The following NOL8 variants were observed in gnomAD, a reference collection of about 807,000 sequenced individuals.
NOL8 encodes nucleolar protein Nop132.
NOL8 carries 93 observed loss-of-function variants against 116.1 expected under a neutral mutation model. That is an observed-to-expected ratio of 0.80 (90% confidence interval 0.68 to 0.95). NOL8 has a LOEUF of 0.95. Ranked by LOEUF, NOL8 falls within the 40% of genes least tolerant of loss-of-function variation. The pLI is 0.00. For synonymous variants in NOL8, 419 were observed against 469.0 expected (o/e 0.89, Z 1.38); for missense variants, 1,291 against 1,382.8 (o/e 0.93, Z 1.05).
intron 9 of NOL8, 98 bp downstream of exon 9, chr9:92,310,452 TATA>T (rs1838672876): frequency 1.5e-6 from 2 of 1,353,514 alleles, no homozygotes; most frequent in East Asian, 4.6e-5. Context: ...ACCCCGATGC[TATA>T]ATGTAGGTTA....
At chr9:92,304,708 T>A (rs1838077647) in intron 12 of NOL8, among the ~76,000 whole-genome samples, 1 of 152,188 alleles carries the variant, frequency 6.6e-6, no homozygotes, top group African/African-American at 2.4e-5. Flanking sequence ...ATAGTAGAGT[T>A]CCTAAATAGC....
Position 92,315,205 on chromosome 9 carries a change from ACTC to A in NOL8, c.1417_1419del (p.Glu473del), listed in dbSNP as rs755911680. 10 of 1,613,570 alleles carry A rather than the reference ACTC, an allele frequency of 6.2e-6. No individual in the cohort carries two copies. The highest frequency in any genetic ancestry group is 8.5e-6 in the Non-Finnish European group (10 of 1,179,834). ...AGGCAGTTTTTCATCATGGCATTAT[ACTC>A]CTCACCTCCTTCAGAGTCAGCTAAT... On this transcript the variant is annotated inframe_deletion, in exon 7 of 17. Coordinates refer to ENST00000442668, the MANE Select transcript of NOL8 (RefSeq NM_017948.6).
rs192091743 is a variant in NOL8 at position 92,312,285 on chromosome 9, T to C, written c.2359-1026A>G. Among the ~76,000 whole-genome samples, 3 of 151,386 alleles carry C rather than the reference T, an allele frequency of 2.0e-5. No individual in the cohort carries two copies. The East Asian group carries it at 5.9e-4, about 30-fold the overall frequency. Reference sequence around the variant, plus strand: ...GCCTAGGTGACATGGTGAAACCCCATCTCTACAAAAACACAAAAATTAGCT... The same window carrying C: ...GCCTAGGTGACATGGTGAAACCCCACCTCTACAAAAACACAAAAATTAGCT... On this transcript the variant is annotated intron_variant, in intron 7 of 16. Coordinates refer to ENST00000442668, the MANE Select transcript of NOL8 (RefSeq NM_017948.6).
intron 12 of NOL8, among the ~76,000 whole-genome samples, chr9:92,305,095 G>C (rs1025766280): frequency 6.6e-6 from 1 of 151,940 alleles, no homozygotes; most frequent in Admixed American, 6.6e-5. Flanking sequence ...ACCTGTGAAT[G>C]TTAACATTAT....
At chr9:92,300,829 AAT>A in intron 13 of NOL8, 10 of 1,092,946 alleles carry the variant, frequency 9.1e-6, no homozygotes, top group Admixed American at 4.0e-5. Flanking sequence ...AAAAAAAAAA[AAT>A]TATTTTAATC....
Position 92,301,568 on chromosome 9 carries a change from G to C in NOL8, c.3158C>G (p.Thr1053Ser). The change falls in exon 13 of 17, where the codon ACT becomes AGT. Residue 1053 changes from threonine (T) to serine (S), a missense_variant. Physicochemically the swap from Thr to Ser is moderately conservative, Grantham distance 58. Coordinates refer to ENST00000442668, the MANE Select transcript of NOL8 (RefSeq NM_017948.6). ...GFTFSFFDSD[T>S]KDIKEETYRV... ...AAAAGTACCTTCCTTTATGTCTTTA[G>C]TGTCTGAATCAAAAAAAGAGAACGT... The C allele has an allele frequency of 1.3e-6, 2 of 1,597,988 alleles. No homozygotes were observed. Among genetic ancestry groups the C allele is most frequent in the Non-Finnish European group, 1.7e-6 (2 of 1,173,328 alleles).
At chr9:92,310,869 C>G (rs1587973407) in intron 8 of NOL8, 194 bp from the exon 9 acceptor site, 2 of 611,672 alleles carry the variant, frequency 3.3e-6, no homozygotes, top group South Asian at 2.3e-5. Context: ...TCCAGAGGCT[C>G]TCCAGTGAAG....
chr9:92,311,085 G>A (rs1838735789), intron 8 of NOL8, 61 bp downstream of exon 8: 9 of 1,317,904 alleles, frequency 6.8e-6, no homozygotes, highest in Non-Finnish European at 9.7e-6. Flanking sequence ...ATTGCCAGTT[G>A]TTTGTGGTGT....
At chr9:92,306,809 C>G (rs1587961450) in intron 11 of NOL8, 77 bp downstream of exon 11, 1 of 1,407,018 alleles carries the variant, frequency 7.1e-7, no homozygotes, top group Non-Finnish European at 9.8e-7. Context: ...TAAAAGAGAC[C>G]TAGTTTTAAA....
Position 92,299,886 on chromosome 9 carries a change from T to C in NOL8, c.3302+4A>G, listed in dbSNP as rs1158740932. ...CTATGCCTGCAAAGAAACAAATTGT[T>C]TACCCAGGACTGGAGTTTCTGTGAT... On this transcript the variant is annotated splice_donor_region_variant and intron_variant, in intron 14 of 16. Coordinates refer to ENST00000442668, the MANE Select transcript of NOL8 (RefSeq NM_017948.6). 1.9e-6 allele frequency: 3 copies of C among 1,612,246 alleles called. No homozygotes were observed. The highest frequency in any genetic ancestry group is 2.5e-6 in the Non-Finnish European group (3 of 1,179,046).
Position 92,315,744 on chromosome 9 carries a change from C to G in NOL8, c.881G>C (p.Arg294Thr), listed in dbSNP as rs1178184434. 3.1e-6 allele frequency: 5 copies of G among 1,613,294 alleles called. No homozygotes were observed. Among genetic ancestry groups the G allele is most frequent in the East Asian group, 2.2e-5 (1 of 44,882 alleles). Residue 294 changes from arginine to threonine, a missense_variant, in exon 7 of 17, where the codon AGA becomes ACA. By Grantham distance (71) the Arg-to-Thr change is moderately conservative. Coordinates refer to ENST00000442668, the MANE Select transcript of NOL8 (RefSeq NM_017948.6). ...KTSGLETAKK[R>T]NSISDDDTDS... is the part of the protein sequence containing the mutation. Reference sequence around the variant, plus strand: ...AGTATCATCATCAGAAATGCTGTTTCTCTTCTTGGCAGTTTCCAAGCCAGA... The same window carrying G: ...AGTATCATCATCAGAAATGCTGTTTGTCTTCTTGGCAGTTTCCAAGCCAGA...
chr9:92,323,533 CAATT>C (rs767594692), intron 2 of NOL8, 30 bp from the exon 3 acceptor site: 146 of 1,514,092 alleles, frequency 9.6e-5, no homozygotes, highest in African/African-American at 9.6e-5. Context: ...ACAAACAAAA[CAATT>C]TATTTAAATT....
rs757584275 is a variant in NOL8, at chr9:92,315,363, G to GA, written c.1261dup (p.Ser421PhefsTer2). On this transcript the variant is annotated frameshift_variant, in exon 7 of 17. Coordinates refer to ENST00000442668, the MANE Select transcript of NOL8 (RefSeq NM_017948.6). LOFTEE classifies it high-confidence loss of function. Reference sequence around the variant, plus strand: ...TTTTTGTAGTTTAATACAGTGATCAGAAAGCTCACAGTTTTCTCTATTTTT... The same window carrying GA: ...TTTTTGTAGTTTAATACAGTGATCAGAAAAGCTCACAGTTTTCTCTATTTTT... 2 of 1,609,336 alleles carry GA rather than the reference G, an allele frequency of 1.2e-6. No homozygotes were observed. The highest frequency in any genetic ancestry group is 1.7e-6 in the Non-Finnish European group (2 of 1,177,218).
At chr9:92,321,113 C>G (rs1839887475) in intron 4 of NOL8, among the ~76,000 whole-genome samples, 2 of 152,186 alleles carry the variant, frequency 1.3e-5, no homozygotes, top group South Asian at 4.1e-4. Context: ...CTAGCATTAA[C>G]AGTCAAAATC....
Position 92,297,891 on chromosome 9 carries a change from G to C in NOL8, c.3454-5C>G. 7.2e-7 allele frequency: 1 copy of C among 1,395,752 alleles called. No individual in the cohort carries two copies. 86.5% of individuals were successfully genotyped at this position (1,395,752 alleles called of 1,614,324 possible). A position where few individuals can be genotyped will look rare whatever the true frequency, so the allele number is the denominator to read the frequency against. On this transcript the variant is annotated splice_region_variant and splice_polypyrimidine_tract_variant and intron_variant, in intron 16 of 16. Coordinates refer to ENST00000442668, the MANE Select transcript of NOL8 (RefSeq NM_017948.6). Reference sequence around the variant, plus strand: ...TTTATGTTTCTTTCGACAATCCTAGGAAAAAAAAAAGACTTGGTTAGCAAT... The same window carrying C: ...TTTATGTTTCTTTCGACAATCCTAGCAAAAAAAAAAGACTTGGTTAGCAAT...
At chr9:92,306,441 G>A (rs763767793) in intron 11 of NOL8, among the ~76,000 whole-genome samples, 24 of 152,120 alleles carry the variant, frequency 1.6e-4, no homozygotes, top group Non-Finnish European at 2.6e-4. Flanking sequence ...AGTAGGGGTT[G>A]GATAAAGGTA....
chr9:92,298,145 G>A, intron 16 of NOL8, 112 bp downstream of exon 16: 1 of 784,304 alleles, frequency 1.3e-6, no homozygotes, highest in Non-Finnish European at 2.0e-6. Context: ...ACTCAATTGA[G>A]CCAGTCTGCA....
At chr9:92,321,404 AT>A (rs2130739111) in intron 4 of NOL8, among the ~76,000 whole-genome samples, 2 of 152,312 alleles carry the variant, frequency 1.3e-5, no homozygotes, top group South Asian at 4.1e-4. Context: ...ATAAGTACAT[AT>A]ATGCTTTTAT....
In NOL8 at chr9:92,311,187, A is replaced by C. The variant is rs765596538; in HGVS notation, c.2431T>G (p.Ser811Ala). The change falls in exon 8 of 17, where the codon TCG becomes GCG. Residue 811 changes from serine (S) to alanine (A), a missense_variant. Physicochemically the swap from Ser to Ala is moderately conservative, Grantham distance 99 (BLOSUM62 1). Transcript: ENST00000442668. ...CCTGGATGGCTCTGCTCCTGAGTCG[A>C]TGTCTCCTCTGTTTCACATTCACTG... is the stretch of plus-strand genomic sequence containing the variant. Reference protein sequence around the residue: ...SDSECETEETSTQEQSHPGEE... With the variant: ...SDSECETEETATQEQSHPGEE... The C allele has an allele frequency of 6.2e-7, 1 of 1,613,806 alleles. No homozygotes were observed. The highest frequency in any genetic ancestry group is 2.2e-5 in the East Asian group (1 of 44,872).
Sources: gnomAD v4.1 joint callset for allele counts (sites outside exome capture counted in the v4.1 genomes callset) on GRCh38, gnomAD v4.1.1 for gene constraint, MANE v1.5 for transcripts, NCBI Gene and HGNC (gene_info 2026-07-23, HGNC 2026-07-21) for gene names.